The following ANKRD18B variants were observed in gnomAD, a reference collection of about 807,000 sequenced individuals.
The protein encoded by ANKRD18B is ankyrin repeat domain-containing protein 18B.
A neutral mutation model predicts 111.8 loss-of-function variants in ANKRD18B; 75 were observed. The observed-to-expected ratio is 0.67, with a 90% CI of 0.56 to 0.81. ANKRD18B has a LOEUF of 0.81. Ranked by LOEUF, ANKRD18B falls within the 40% of genes least tolerant of loss-of-function variation. The pLI is 0.00. For missense variants in ANKRD18B, 1,038 were observed against 1,225.5 expected, an observed-to-expected ratio of 0.85 and a Z score of 2.28; for synonymous variants, 356 against 417.3, an observed-to-expected ratio of 0.85 and a Z score of 1.79.
chr9:33,545,677 A>G (rs1352493384), intron 10 of ANKRD18B, among the ~76,000 whole-genome samples: 1 of 152,240 alleles, frequency 6.6e-6, no homozygotes, highest in African/African-American at 2.4e-5. Flanking sequence ...GTGACAGAAC[A>G]TCAAAAGCAT....
chr9:33,544,924 G>A (rs1828332752), intron 10 of ANKRD18B, among the ~76,000 whole-genome samples: 2 of 152,178 alleles, frequency 1.3e-5, no homozygotes, highest in South Asian at 2.1e-4. Context: ...CTGAGGAAGA[G>A]CTCTTACATT....
intron 3 of ANKRD18B, among the ~76,000 whole-genome samples, chr9:33,530,232 T>G (rs1003829452): frequency 6.6e-6 from 1 of 152,232 alleles, no homozygotes; most frequent in African/African-American, 2.4e-5. Flanking sequence ...GAAATTTTGT[T>G]AAAAGTCTAC....
In ANKRD18B at chr9:33,528,712, C is replaced by T. The variant is rs753654269; in HGVS notation, c.207-15C>T. ...ATTGCACTACATTTCCTGAAAACCC[C>T]TCTCGCTCTCCTAGGACTGTTCTAC... On this transcript the variant is annotated splice_polypyrimidine_tract_variant and intron_variant, in intron 1 of 18. Transcript: ENST00000684830. 1 of 1,569,516 alleles carries T rather than the reference C, an allele frequency of 6.4e-7. No individual in the cohort carries two copies. The highest frequency in any genetic ancestry group is 1.2e-5 in the South Asian group (1 of 84,846).
At position 33,547,974 on chromosome 9, in the gene ANKRD18B, T is replaced by C; in HGVS notation, c.1186T>C (p.Phe396Leu). 6.8e-7 allele frequency: 1 copy of C among 1,461,758 alleles called. No individual in the cohort carries two copies. The highest frequency in any genetic ancestry group is 9.0e-7 in the Non-Finnish European group (1 of 1,106,926). 90.5% of individuals were successfully genotyped at this position (1,461,758 alleles called of 1,614,324 possible). ...QSYGKKKDEM[F>L]GNFMLKRDIA... is the part of the protein sequence containing the mutation. Reference sequence around the variant, plus strand: ...TTATGGAAAAAAGAAGGATGAGATGTTTGGAAATTTTATGTTGAAGAGAGA... The same window carrying C: ...TTATGGAAAAAAGAAGGATGAGATGCTTGGAAATTTTATGTTGAAGAGAGA... The change falls in exon 11 of 19, where the codon TTT becomes CTT. Residue 396 changes from phenylalanine (F) to leucine (L), a missense_variant. Physicochemically the swap from Phe to Leu is conservative, Grantham distance 22 (BLOSUM62 0). Around this residue, in one of 4 missense-constraint regions of ANKRD18B, gnomAD observed 205 missense variants for 201.3 expected, o/e 1.02. Coordinates refer to ENST00000684830, the MANE Select transcript of ANKRD18B (RefSeq NM_001393611.1).
At chr9:33,540,752 G>GA (rs1828267051) in intron 8 of ANKRD18B, among the ~76,000 whole-genome samples, 1 of 152,082 alleles carries the variant, frequency 6.6e-6, no homozygotes, top group South Asian at 2.1e-4. Context: ...TGAAGGCCAT[G>GA]TGGTCTCTGT....
At chr9:33,552,214 A>C (rs1828457153) in intron 12 of ANKRD18B, among the ~76,000 whole-genome samples, 1 of 152,240 alleles carries the variant, frequency 6.6e-6, no homozygotes, top group African/African-American at 2.4e-5. Flanking sequence ...AAAACCAATT[A>C]GTCTAATAGA....
chr9:33,572,201 C>A, intron 18 of ANKRD18B, 115 bp from the exon 19 acceptor site: 1 of 766,522 alleles, frequency 1.3e-6, no homozygotes, highest in Non-Finnish European at 2.2e-6. Flanking sequence ...ATTGCACGTA[C>A]ATATTTCTCA....
chr9:33,563,084 CT>C (rs1451024762), intron 14 of ANKRD18B, among the ~76,000 whole-genome samples: 1 of 152,170 alleles, frequency 6.6e-6, no homozygotes, highest in African/African-American at 2.4e-5. Flanking sequence ...TCCTCAGCAG[CT>C]TACACCTCTC....
At chr9:33,529,437 A>AT (rs768094669) in intron 3 of ANKRD18B, among the ~76,000 whole-genome samples, 9 of 152,104 alleles carry the variant, frequency 5.9e-5, no homozygotes, top group African/African-American at 1.7e-4. Flanking sequence ...CCCCAGGTGT[A>AT]TTTTTTTTCT....
chr9:33,524,675 CG>C lies in ANKRD18B; in HGVS notation c.187del (p.Val63SerfsTer38). 6.4e-7 allele frequency: 1 copy of C among 1,550,498 alleles called. No individual in the cohort carries two copies. Among genetic ancestry groups the C allele is most frequent in the Non-Finnish European group, 8.7e-7 (1 of 1,146,606 alleles). ...CLTRRFRDLD[V>X]RDRKDRTVLH... ...TGACGCGCAGGTTCCGGGACTTGGA[CG>C]TCCGCGACAGAAAAGACAGGTAGCG... is the stretch of plus-strand genomic sequence containing the variant. On this transcript the variant is annotated frameshift_variant, in exon 1 of 19. Transcript: ENST00000684830. LOFTEE classifies it high-confidence loss of function.
At chr9:33,570,108 T>C (rs1408548237) in intron 17 of ANKRD18B, among the ~76,000 whole-genome samples, 2 of 152,186 alleles carry the variant, frequency 1.3e-5, no homozygotes, top group Non-Finnish European at 2.9e-5. Context: ...ATATACCAAA[T>C]ACTATGCAGC....
intron 10 of ANKRD18B, among the ~76,000 whole-genome samples, chr9:33,543,880 C>T (rs1281079066): frequency 6.6e-6 from 1 of 152,156 alleles, no homozygotes; most frequent in East Asian, 1.9e-4. Flanking sequence ...TTGTAAAGCG[C>T]TGTCACTAGT....
At chr9:33,558,896 T>G (rs1484917488) in intron 14 of ANKRD18B, among the ~76,000 whole-genome samples, 2 of 152,124 alleles carry the variant, frequency 1.3e-5, no homozygotes, top group Non-Finnish European at 2.9e-5. Flanking sequence ...AGTTTGGTTT[T>G]GTACATTTCC....
chr9:33,541,978 T>A (rs1479678553), intron 9 of ANKRD18B, among the ~76,000 whole-genome samples: 2 of 152,088 alleles, frequency 1.3e-5, no homozygotes, highest in Admixed American at 1.3e-4. Flanking sequence ...GAGGCTTCTC[T>A]CCCTCTCTTG....
intron 16 of ANKRD18B, 68 bp from the exon 17 acceptor site, chr9:33,568,603 A>G: frequency 7.2e-7 from 1 of 1,389,590 alleles, no homozygotes; most frequent in South Asian, 1.7e-5. Flanking sequence ...TGTTTAAAAA[A>G]TGCAAGTCAT....
intron 14 of ANKRD18B, among the ~76,000 whole-genome samples, chr9:33,565,349 T>C (rs538880627): frequency 2.0e-5 from 3 of 152,354 alleles, no homozygotes; most frequent in African/African-American, 7.2e-5. Context: ...CTGGGTGTTG[T>C]ATTCTATGGC....
chr9:33,563,313 A>G (rs551184097), intron 14 of ANKRD18B, among the ~76,000 whole-genome samples: 6 of 152,340 alleles, frequency 3.9e-5, no homozygotes, highest in Admixed American at 3.9e-4. Flanking sequence ...AAGATTGGCC[A>G]GGACAGCTTG....
At chr9:33,534,598 T>C (rs1828168527) in intron 5 of ANKRD18B, 91 bp downstream of exon 5, 3 of 1,414,926 alleles carry the variant, frequency 2.1e-6, no homozygotes, top group Non-Finnish European at 2.8e-6. Flanking sequence ...TGACAGTTCA[T>C]AGTTTGGTTG....
intron 14 of ANKRD18B, among the ~76,000 whole-genome samples, 200 bp downstream of exon 14, chr9:33,558,387 C>T (rs1032533904): frequency 2.6e-5 from 4 of 152,032 alleles, no homozygotes; most frequent in Admixed American, 2.6e-4. Context: ...GTTTGTTGTT[C>T]CCCCTCTGAG....
Sources: gnomAD v4.1 joint callset for allele counts (sites outside exome capture counted in the v4.1 genomes callset) on GRCh38, gnomAD v4.1.1 for gene constraint, gnomAD v4.1.1 regional missense constraint, MANE v1.5 for transcripts, NCBI Gene and HGNC (gene_info 2026-07-23, HGNC 2026-07-21) for gene names.